The following PARVA variants were observed in gnomAD, a reference collection of about 807,000 sequenced individuals.
PARVA encodes parvin alpha, also known as alpha-parvin.
In PARVA, 25 loss-of-function variants were observed where a neutral mutation model predicts 52.6. That is an observed-to-expected ratio of 0.48 (90% CI 0.35 to 0.66). PARVA has a LOEUF of 0.66. Among genes scored for constraint, PARVA ranks in the 30% least tolerant of loss-of-function variants. The probability of loss-of-function intolerance (pLI) is 0.01; values close to 1 mark genes in which losing one functional copy is unlikely to be tolerated. For missense variants in PARVA, 373 were observed against 450.9 expected, an observed-to-expected ratio of 0.83 and a Z score of 1.56; for synonymous variants, 185 against 179.1, an observed-to-expected ratio of 1.03 and a Z score of -0.26.
chr11:12,411,178 A>T (rs1460856333), intron 1 of PARVA, among the ~76,000 whole-genome samples: 2 of 152,222 alleles, frequency 1.3e-5, no homozygotes, highest in Non-Finnish European at 2.9e-5. Flanking sequence ...TGAACAAAGG[A>T]TTTTTAAAAA....
intron 1 of PARVA, among the ~76,000 whole-genome samples, chr11:12,472,139 TGGCTTCCCTG>T (rs1220870276): frequency 6.6e-6 from 1 of 152,228 alleles, no homozygotes; most frequent in African/African-American, 2.4e-5. Flanking sequence ...TCCAATCTTT[TGGCTTCCCTG>T]GGCCACATTG....
intron 1 of PARVA, among the ~76,000 whole-genome samples, chr11:12,422,188 T>C (rs148930688): frequency 2.2e-3 from 335 of 152,358 alleles, no homozygotes; most frequent in African/African-American, 7.5e-3. Context: ...GTCATAGAAA[T>C]CCTACTGAAT....
chr11:12,453,116 G>A (rs1026973021), intron 1 of PARVA: 23 of 444,134 alleles, frequency 5.2e-5, no homozygotes, highest in Non-Finnish European at 9.6e-5. Flanking sequence ...CTCCCAGCTC[G>A]TCTCTGGGGT....
At chr11:12,418,127 G>T (rs191884490) in intron 1 of PARVA, among the ~76,000 whole-genome samples, 1 of 150,954 alleles carries the variant, frequency 6.6e-6, no homozygotes, top group Non-Finnish European at 1.5e-5. Context: ...CCGAATTCCT[G>T]CCACATTTCA....
At chr11:12,522,138 C>G (rs1941644940) in intron 12 of PARVA, among the ~76,000 whole-genome samples, 2 of 152,196 alleles carry the variant, frequency 1.3e-5, no homozygotes, top group Non-Finnish European at 2.9e-5. Context: ...CACCAGGAGA[C>G]AAGCCCAAGA....
At chr11:12,462,086 C>T (rs1414289050) in intron 1 of PARVA, among the ~76,000 whole-genome samples, 4 of 152,166 alleles carry the variant, frequency 2.6e-5, no homozygotes, top group Admixed American at 6.5e-5. Context: ...GCATTTTCTT[C>T]TGGCAATCTC....
intron 1 of PARVA, among the ~76,000 whole-genome samples, chr11:12,434,059 TGAGCACCGC>T (rs1490389610): frequency 6.6e-6 from 1 of 152,220 alleles, no homozygotes; most frequent in African/African-American, 2.4e-5. Context: ...GGCTCAGGTC[TGAGCACCGC>T]GAGCACTATG....
intron 1 of PARVA, among the ~76,000 whole-genome samples, chr11:12,446,404 A>C (rs570921947): frequency 6.6e-6 from 1 of 152,340 alleles, no homozygotes; most frequent in East Asian, 1.9e-4. Flanking sequence ...AAGGCATTAT[A>C]ATTTTTTTTC....
chr11:12,510,812 C>A (rs1032897428), intron 7 of PARVA, among the ~76,000 whole-genome samples: 2 of 152,174 alleles, frequency 1.3e-5, no homozygotes, highest in African/African-American at 2.4e-5. Flanking sequence ...CCTCCCACAA[C>A]ACGTAGGAAT....
chr11:12,520,164 A>C (rs1941620198), intron 12 of PARVA, among the ~76,000 whole-genome samples: 1 of 152,254 alleles, frequency 6.6e-6, no homozygotes, highest in Non-Finnish European at 1.5e-5. Flanking sequence ...GCAATTATTA[A>C]GTTGCTGAAT....
In PARVA at chr11:12,500,515, C is replaced by T. The variant is rs1394876616; in HGVS notation, c.542-3799C>T. On this transcript the variant is annotated intron_variant, in intron 5 of 12. Transcript: ENST00000334956. ...TTTGAAAATAGGCAAAAAGGCTGGG[C>T]GCTGTGGCTCACACCTGTAATCCCA... Among the ~76,000 whole-genome samples, 10 of 152,296 alleles carry T rather than the reference C, an allele frequency of 6.6e-5. No homozygotes were observed. The East Asian group carries it at 7.7e-4, about 12-fold the overall frequency.
rs1239496747 is a variant in PARVA, at chr11:12,508,394, C to T, written c.658-190C>T. Among the ~76,000 whole-genome samples, 3 of 152,326 alleles carry T rather than the reference C, an allele frequency of 2.0e-5. No individual in the cohort carries two copies. The East Asian group carries it at 5.8e-4, about 29-fold the overall frequency. ...TTGGACTAAACACTAATTGCACTTG[C>T]GTCCTAATGGTTCAGTCCAGTCCCT... On this transcript the variant is annotated intron_variant, in intron 6 of 12. Transcript: ENST00000334956.
At chr11:12,507,482 C>G (rs566619375) in intron 6 of PARVA, among the ~76,000 whole-genome samples, 1 of 152,348 alleles carries the variant, frequency 6.6e-6, no homozygotes, top group African/African-American at 2.4e-5. Flanking sequence ...GCACTCAGAG[C>G]TGCCCCCTGA....
At chr11:12,434,076 A>G (rs1274675456) in intron 1 of PARVA, among the ~76,000 whole-genome samples, 1 of 152,168 alleles carries the variant, frequency 6.6e-6, no homozygotes, top group Non-Finnish European at 1.5e-5. Context: ...CGCGAGCACT[A>G]TGTTCTACGT....
intron 1 of PARVA, among the ~76,000 whole-genome samples, chr11:12,379,927 G>A (rs1467554588): frequency 6.6e-6 from 1 of 152,170 alleles, no homozygotes; most frequent in Admixed American, 6.5e-5. Context: ...TGGGGCAACT[G>A]AGAAATATTG....
In PARVA at chr11:12,518,636, G is replaced by A. The variant is rs935369324; in HGVS notation, c.1042+119G>A. ...GAAGCCTTCGTTGCTGGGGAAGGTG[G>A]GACTCGGTGCAGCTGCTCAGTCCCA... is the stretch of plus-strand genomic sequence containing the variant. On this transcript the variant is annotated intron_variant, in intron 12 of 12. Transcript: ENST00000334956. 4 of 749,766 alleles carry A rather than the reference G, an allele frequency of 5.3e-6. No homozygotes were observed. The African/African-American group carries it at 6.9e-5, about 13-fold the overall frequency. The allele number at this position is 749,766 out of a possible 1,614,324, so 46.4% of individuals were successfully genotyped here.
At chr11:12,388,682 CTTT>C (rs951409712) in intron 1 of PARVA, among the ~76,000 whole-genome samples, 6 of 151,858 alleles carry the variant, frequency 4.0e-5, no homozygotes, top group East Asian at 1.9e-4. Context: ...TTCTATTCTT[CTTT>C]ATTATAATTT....
intron 1 of PARVA, among the ~76,000 whole-genome samples, chr11:12,473,476 T>G (rs1940960818): frequency 1.3e-5 from 2 of 152,112 alleles, no homozygotes; most frequent in African/African-American, 4.8e-5. Context: ...AAATCTTTTC[T>G]GAGAGGAGGG....
At chr11:12,399,158 T>C (rs1047563084) in intron 1 of PARVA, among the ~76,000 whole-genome samples, 1 of 152,230 alleles carries the variant, frequency 6.6e-6, no homozygotes, top group Non-Finnish European at 1.5e-5. Context: ...ATATATTACA[T>C]TTCTATAGAA....
Sources: allele counts gnomAD v4.1 joint callset (sites outside exome capture counted in the v4.1 genomes callset), GRCh38; gene constraint gnomAD v4.1.1; transcripts MANE v1.5; gene names NCBI Gene and HGNC (gene_info 2026-07-23, HGNC 2026-07-21).